The following FAR1 variants were observed in gnomAD, a reference collection of about 807,000 sequenced individuals.
FAR1 encodes fatty acyl-CoA reductase 1, also known as male sterility domain-containing protein 2.
A neutral mutation model predicts 61.1 loss-of-function variants in FAR1; 22 were observed. The ratio of observed to expected loss-of-function variants is 0.36; its 90% confidence interval spans 0.26 to 0.51. The LOEUF (loss-of-function observed/expected upper bound fraction) is 0.51. FAR1 is among the 20% of genes least tolerant of loss of function. The probability of loss-of-function intolerance (pLI) is 0.95; values close to 1 mark genes in which losing one functional copy is unlikely to be tolerated. For missense variants in FAR1, 359 were observed against 626.9 expected (o/e 0.57, Z 4.56); for synonymous variants, 206 against 209.7 (o/e 0.98, Z 0.15).
chr11:13,721,453 A>G lies in FAR1; in HGVS notation c.1128-277A>G. On this transcript the variant is annotated intron_variant, in intron 9 of 11. Transcript: ENST00000354817. This position sits in a 1 kb window ranked among gnomAD's most constrained non-coding sequence, Gnocchi z 4.2. ...TTAAGAGTATTGTATACCCTTTGAG[A>G]ATTAATTCTGTATATCAGCAGAACT... 1 of 261,350 alleles carries G rather than the reference A, an allele frequency of 3.8e-6. No homozygotes were observed. The highest frequency in any genetic ancestry group is 9.5e-5 in the East Asian group (1 of 10,540). The allele number at this position is 261,350 out of a possible 1,614,324, so 16.2% of individuals were successfully genotyped here. A position where few individuals can be genotyped will look rare whatever the true frequency, so the allele number is the denominator to read the frequency against.
At chr11:13,671,554 C>T (rs1316461600) in intron 1 of FAR1, among the ~76,000 whole-genome samples, 1 of 152,068 alleles carries the variant, frequency 6.6e-6, no homozygotes, top group Admixed American at 6.6e-5. Flanking sequence ...AACAGTCAAC[C>T]ATATATCATA....
chr11:13,677,012 A>T (rs544233633), intron 1 of FAR1, among the ~76,000 whole-genome samples: 1 of 152,212 alleles, frequency 6.6e-6, no homozygotes, highest in East Asian at 1.9e-4. Context: ...GGTTATGGCA[A>T]TCCCAACAGC....
intron 3 of FAR1, among the ~76,000 whole-genome samples, chr11:13,704,729 T>A (rs1848414976): frequency 6.8e-6 from 1 of 147,932 alleles, no homozygotes; most frequent in African/African-American, 2.4e-5. Flanking sequence ...ATATTTTCAT[T>A]AAGATTAAAA....
chr11:13,713,811 A>G (rs1287792028), intron 8 of FAR1, among the ~76,000 whole-genome samples: 1 of 152,144 alleles, frequency 6.6e-6, no homozygotes, highest in African/African-American at 2.4e-5. Context: ...TAAGAAAAAG[A>G]TAAAATCTAA....
chr11:13,673,877 TC>T (rs1848036698), intron 1 of FAR1, among the ~76,000 whole-genome samples: 1 of 152,234 alleles, frequency 6.6e-6, no homozygotes, highest in African/African-American at 2.4e-5. Flanking sequence ...GTGCACTTTT[TC>T]TTCCCAGCCT....
In FAR1 at chr11:13,688,239, A is replaced by G. The variant is rs150065040; in HGVS notation, c.-7-6520A>G. On this transcript the variant is annotated intron_variant, in intron 1 of 11. Transcript: ENST00000354817. Reference sequence around the variant, plus strand: ...GGTGGCATTATGCTAAGTTGTGGGAATTGTTTTTTTTTCCCCTAGGAGGAA... The same window carrying G: ...GGTGGCATTATGCTAAGTTGTGGGAGTTGTTTTTTTTTCCCCTAGGAGGAA... 1.0e-4 allele frequency among the ~76,000 whole-genome samples: 12 copies of G among 119,000 alleles called. No homozygotes were observed. The East Asian group carries it at 2.4e-3, about 24-fold the overall frequency. 78.1% of individuals were successfully genotyped at this position (119,000 alleles called of 152,430 possible).
intron 1 of FAR1, among the ~76,000 whole-genome samples, chr11:13,676,570 C>T (rs1464228533): frequency 6.6e-6 from 1 of 152,098 alleles, no homozygotes; most frequent in Non-Finnish European, 1.5e-5. Context: ...CCCTGAGATA[C>T]AAGTGCTCAT....
At chr11:13,728,586 A>G in intron 11 of FAR1, 26 bp from the exon 12 acceptor site, 2 of 1,601,812 alleles carry the variant, frequency 1.2e-6, no homozygotes, top group Non-Finnish European at 1.7e-6. Context: ...AATACTGTCT[A>G]ACATATCTCT....
At chr11:13,675,470 C>T (rs1848058105) in intron 1 of FAR1, among the ~76,000 whole-genome samples, 1 of 152,172 alleles carries the variant, frequency 6.6e-6, no homozygotes, top group African/African-American at 2.4e-5. Flanking sequence ...AAATCTGTAT[C>T]TCTCTATCTT....
chr11:13,723,860 TATA>T lies in FAR1; in HGVS notation c.1257+2004_1257+2006del, dbSNP rs1848641328. 2.6e-5 allele frequency among the ~76,000 whole-genome samples: 4 copies of T among 152,302 alleles called. 1 individual carries two copies. In the South Asian group the frequency reaches 8.3e-4, roughly 32 times the overall value. On this transcript the variant is annotated intron_variant, in intron 10 of 11. Transcript: ENST00000354817. ...TTGTTTTATTTTCAGTTTTAGAAAGTATAATTTTTCAGATCTTATAAATGTTTC... is the reference window on the plus strand; with the variant it reads ...TTGTTTTATTTTCAGTTTTAGAAAGTATTTTTCAGATCTTATAAATGTTTC...
At chr11:13,711,082 T>TA (rs1156360269) in intron 5 of FAR1, 5 of 492,302 alleles carry the variant, frequency 1.0e-5, no homozygotes, top group Non-Finnish European at 1.4e-5. Flanking sequence ...GATCAACATT[T>TA]AAAAAATCCT....
At chr11:13,694,382 C>G (rs978991812) in intron 1 of FAR1, among the ~76,000 whole-genome samples, 3 of 151,964 alleles carry the variant, frequency 2.0e-5, no homozygotes, top group Non-Finnish European at 4.4e-5. Context: ...GTTATAAATC[C>G]CTTTGGAGTC....
At chr11:13,724,234 C>CA (rs1848644683) in intron 10 of FAR1, among the ~76,000 whole-genome samples, 1 of 151,926 alleles carries the variant, frequency 6.6e-6, no homozygotes, top group South Asian at 2.1e-4. Flanking sequence ...TAGCACAACT[C>CA]AGATTAATGT....
intron 1 of FAR1, chr11:13,669,720 A>G (rs1195165738): frequency 1.3e-5 from 2 of 152,168 alleles, no homozygotes; most frequent in Non-Finnish European, 2.9e-5. Context: ...AATTCTCACT[A>G]CTGGGGCTGA....
intron 2 of FAR1, among the ~76,000 whole-genome samples, chr11:13,697,269 G>T (rs970807999): frequency 2.0e-5 from 3 of 151,890 alleles, no homozygotes; most frequent in African/African-American, 7.3e-5. Context: ...AGACCAGCCT[G>T]GCCAATAATG....
intron 1 of FAR1, among the ~76,000 whole-genome samples, chr11:13,675,361 TAGAG>T (rs902702601): frequency 9.8e-5 from 15 of 152,314 alleles, no homozygotes; most frequent in African/African-American, 2.2e-4. Context: ...CAAGTGGCGA[TAGAG>T]AGAAAGAACA....
At chr11:13,670,581 C>T (rs1037325876) in intron 1 of FAR1, among the ~76,000 whole-genome samples, 14 of 152,294 alleles carry the variant, frequency 9.2e-5, no homozygotes, top group Middle Eastern at 3.4e-3. Flanking sequence ...CGTTAGCTGC[C>T]GCGCCGGCCA....
At chr11:13,685,907 G>T (rs1403753388) in intron 1 of FAR1, among the ~76,000 whole-genome samples, 1 of 152,166 alleles carries the variant, frequency 6.6e-6, no homozygotes, top group African/African-American at 2.4e-5. Context: ...GACTGCTGTT[G>T]TTTCCTCCTG....
intron 1 of FAR1, among the ~76,000 whole-genome samples, chr11:13,675,263 G>A (rs1420517745): frequency 6.6e-6 from 1 of 152,130 alleles, no homozygotes. Flanking sequence ...GAAACAGAAT[G>A]TAGCAACACT....
Sources: allele counts gnomAD v4.1 joint callset (sites outside exome capture counted in the v4.1 genomes callset), GRCh38; gene constraint gnomAD v4.1.1; non-coding constraint Gnocchi (gnomAD v3.1); transcripts MANE v1.5; gene names NCBI Gene and HGNC (gene_info 2026-07-23, HGNC 2026-07-21).